Variants in AHI1 observed in about 807,000 individuals in gnomAD.
AHI1 encodes the protein jouberin.
In AHI1, 123 loss-of-function variants were observed where a neutral mutation model predicts 149.3. The ratio of observed to expected loss-of-function variants is 0.82; its 90% CI spans 0.71 to 0.96. The LOEUF is 0.96. AHI1 is among the 40% of genes least tolerant of loss of function. AHI1 has a pLI of 0.00. For missense variants in AHI1, 1,439 were observed against 1,422.7 expected, an observed-to-expected ratio of 1.01 and a Z score of -0.18; for synonymous variants, 475 against 459.8, an observed-to-expected ratio of 1.03 and a Z score of -0.42.
In AHI1 at chr6:135,358,130, A is replaced by G. The variant is rs1325559626; in HGVS notation, c.3165+2T>C. 1.2e-6 allele frequency: 2 copies of G among 1,611,638 alleles called. No individual in the cohort carries two copies. Among genetic ancestry groups the G allele is most frequent in the Admixed American group, 3.3e-5 (2 of 59,866 alleles). On this transcript the variant is annotated splice_donor_variant, in intron 24 of 28. Coordinates refer to ENST00000265602, the MANE Select transcript of AHI1 (RefSeq NM_001134831.2). LOFTEE classifies it high-confidence loss of function. ...TAACAACGTAGCAACAGACTGTCTT[A>G]CCGTTGGTGCTGTATCTACCTGATG...
chr6:135,428,862 A>G, intron 18 of AHI1, 103 bp from the exon 19 acceptor site: 1 of 1,082,288 alleles, frequency 9.2e-7, no homozygotes, highest in Non-Finnish European at 1.3e-6. Flanking sequence ...TTCAACAAAC[A>G]TTTTTTGAGA....
intron 24 of AHI1, among the ~76,000 whole-genome samples, chr6:135,339,686 T>C (rs896715372): frequency 2.0e-5 from 3 of 152,092 alleles, no homozygotes; most frequent in Non-Finnish European, 2.9e-5. Context: ...CAGAGAATTA[T>C]AGGATGCCAT....
intron 20 of AHI1, among the ~76,000 whole-genome samples, chr6:135,420,353 C>A (rs918864490): frequency 1.3e-5 from 2 of 152,218 alleles, no homozygotes; most frequent in African/African-American, 4.8e-5. Context: ...AATACTAAGA[C>A]GTGAAAGTCA....
At chr6:135,386,310 G>GT (rs1325394640) in intron 23 of AHI1, among the ~76,000 whole-genome samples, 2,186 of 143,950 alleles carry the variant, frequency 0.015, 68 homozygotes, top group African/African-American at 0.05. Context: ...AAAGTGTTTT[G>GT]TTTTTTTTTT....
intron 5 of AHI1, among the ~76,000 whole-genome samples, chr6:135,471,541 C>T (rs1583405695): frequency 6.6e-6 from 1 of 152,016 alleles, no homozygotes; most frequent in East Asian, 1.9e-4. Flanking sequence ...TTAAAAAAGT[C>T]TCCTTTGTGG....
intron 9 of AHI1, 120 bp from the exon 10 acceptor site, chr6:135,456,046 A>G: frequency 1.7e-6 from 1 of 604,456 alleles, no homozygotes; most frequent in East Asian, 3.3e-5. Context: ...ATACAAAAGG[A>G]AAAATTATTC....
At chr6:135,473,704 T>A (rs565394076) in intron 5 of AHI1, among the ~76,000 whole-genome samples, 18 of 152,260 alleles carry the variant, frequency 1.2e-4, no homozygotes, top group African/African-American at 4.3e-4. Context: ...AGTGTACAGC[T>A]CTTGCACATT....
At chr6:135,415,953 C>T (rs1336426906) in intron 20 of AHI1, among the ~76,000 whole-genome samples, 1 of 152,036 alleles carries the variant, frequency 6.6e-6, no homozygotes, top group South Asian at 2.1e-4. Context: ...CTGGAAAATG[C>T]AAACTAATTT....
chr6:135,439,746 T>C (rs1785977779), intron 14 of AHI1, among the ~76,000 whole-genome samples: 1 of 152,140 alleles, frequency 6.6e-6, no homozygotes, highest in African/African-American at 2.4e-5. Context: ...TATAAATCTG[T>C]GGGTGGAAAG....
intron 5 of AHI1, among the ~76,000 whole-genome samples, chr6:135,470,021 G>A (rs1447959640): frequency 6.6e-6 from 1 of 152,004 alleles, no homozygotes; most frequent in Non-Finnish European, 1.5e-5. Flanking sequence ...TCATCAGAAT[G>A]AACAGACAAC....
intron 14 of AHI1, among the ~76,000 whole-genome samples, chr6:135,439,202 C>G (rs1344845383): frequency 1.3e-5 from 2 of 152,136 alleles, no homozygotes; most frequent in African/African-American, 4.8e-5. Flanking sequence ...TTTCAGTTAC[C>G]CGCAGTCAAC....
chr6:135,476,404 G>C (rs1167753279), intron 5 of AHI1, among the ~76,000 whole-genome samples: 2 of 151,730 alleles, frequency 1.3e-5, no homozygotes, highest in Non-Finnish European at 2.9e-5. Context: ...TTATGGGCCA[G>C]AATGATGTCT....
At chr6:135,394,100 G>C (rs1432723183) in intron 23 of AHI1, among the ~76,000 whole-genome samples, 5 of 151,908 alleles carry the variant, frequency 3.3e-5, no homozygotes, top group Admixed American at 2.0e-4. Context: ...AAAGATAATT[G>C]TTATTTTCAG....
At chr6:135,456,459 A>G (rs1788962896) in intron 9 of AHI1, among the ~76,000 whole-genome samples, 1 of 151,470 alleles carries the variant, frequency 6.6e-6, no homozygotes, top group Non-Finnish European at 1.5e-5. Flanking sequence ...TGGGAGGATC[A>G]CCTGAGCCCA....
intron 26 of AHI1, among the ~76,000 whole-genome samples, chr6:135,307,478 C>CTGGA (rs1241936403): frequency 6.6e-6 from 1 of 151,934 alleles, no homozygotes; most frequent in Non-Finnish European, 1.5e-5. Context: ...TCTCACAAAG[C>CTGGA]TGGATATATC....
At chr6:135,432,552 C>T (rs1187402347) in intron 16 of AHI1, among the ~76,000 whole-genome samples, 1 of 152,036 alleles carries the variant, frequency 6.6e-6, no homozygotes. Context: ...TGGTGTTTCA[C>T]CGTGTTAGCC....
chr6:135,453,196 C>A (rs1014445288), intron 11 of AHI1, 145 bp downstream of exon 11: 1 of 701,996 alleles, frequency 1.4e-6, no homozygotes, highest in Non-Finnish European at 2.5e-6. Flanking sequence ...ATGAGCATAA[C>A]CTGAGCTTGA....
In AHI1 at chr6:135,301,908, T is replaced by C. The variant is rs180708937; in HGVS notation, c.3427-1350A>G. 4.1e-6 allele frequency: 4 copies of C among 985,352 alleles called. No individual in the cohort carries two copies. In the East Asian group the frequency reaches 3.4e-4, roughly 84 times the overall value. The allele number at this position is 985,352 out of a possible 1,614,324, so 61.0% of individuals were successfully genotyped here. ...ATCATCAAAACCTCAGAAAGCACCA[T>C]CATAACAGAAATTATCCTGTTTCTT... is the stretch of plus-strand genomic sequence containing the variant. On this transcript the variant is annotated intron_variant, in intron 26 of 28. Coordinates refer to ENST00000265602, the MANE Select transcript of AHI1 (RefSeq NM_001134831.2).
chr6:135,412,575 G>A (rs1357568252), intron 20 of AHI1, among the ~76,000 whole-genome samples: 1 of 152,096 alleles, frequency 6.6e-6, no homozygotes, highest in African/African-American at 2.4e-5. Flanking sequence ...ATGATAATGA[G>A]CATGGTAGCA....
Sources: gnomAD v4.1 joint callset for allele counts (sites outside exome capture counted in the v4.1 genomes callset) on GRCh38, gnomAD v4.1.1 for gene constraint, MANE v1.5 for transcripts, NCBI Gene and HGNC (gene_info 2026-07-23, HGNC 2026-07-21) for gene names.